The following RSRC1 variants were observed in gnomAD, a reference collection of about 807,000 sequenced individuals.
RSRC1 encodes arginine and serine rich coiled-coil 1, also known as serine/Arginine-related protein 53.
In RSRC1, 39 loss-of-function variants were observed where a neutral mutation model predicts 49.1. The ratio of observed to expected loss-of-function variants is 0.79; its 90% CI spans 0.61 to 1.04. The LOEUF (loss-of-function observed/expected upper bound fraction) is 1.04, where lower values mean the gene tolerates loss of function less well. Ranked by LOEUF, RSRC1 falls within the 50% of genes least tolerant of loss-of-function variation. The pLI, the probability that RSRC1 is intolerant of heterozygous loss-of-function variation, is 0.00. For synonymous variants in RSRC1, 143 were observed against 130.8 expected, an observed-to-expected ratio of 1.09 and a Z score of -0.63; for missense variants, 388 against 402.4, an observed-to-expected ratio of 0.96 and a Z score of 0.31.
chr3:158,199,896 T>C (rs1456814707), intron 3 of RSRC1, among the ~76,000 whole-genome samples: 1 of 152,222 alleles, frequency 6.6e-6, no homozygotes, highest in Non-Finnish European at 1.5e-5. Context: ...TTTCTGCCTA[T>C]GAATTGACCC....
chr3:158,308,757 A>G (rs1452602369), intron 5 of RSRC1, among the ~76,000 whole-genome samples: 1 of 152,002 alleles, frequency 6.6e-6, no homozygotes, highest in African/African-American at 2.4e-5. Flanking sequence ...GAAAGTGCAG[A>G]TAGACCTAAG....
At position 158,328,713 on chromosome 3, in the gene RSRC1, G is replaced by C. The variant is rs538660116; in HGVS notation, c.532-26144G>C. Among the ~76,000 whole-genome samples, 7 of 152,118 alleles carry C rather than the reference G, an allele frequency of 4.6e-5. No individual in the cohort carries two copies. The South Asian group carries it at 1.5e-3, about 32-fold the overall frequency. ...GGTGAATCTGACAATTATGCACCTT[G>C]GAGGAGTATGCTCTTCTCGAGGAGT... On this transcript the variant is annotated intron_variant, in intron 5 of 9. Transcript: ENST00000611884.
intron 6 of RSRC1, among the ~76,000 whole-genome samples, chr3:158,372,167 A>C (rs1336452631): frequency 6.6e-6 from 1 of 151,840 alleles, no homozygotes; most frequent in Non-Finnish European, 1.5e-5. Context: ...GCTCTTAATC[A>C]TGATGAAGTC....
intron 6 of RSRC1, among the ~76,000 whole-genome samples, chr3:158,450,155 A>G (rs1426567183): frequency 6.6e-6 from 1 of 152,004 alleles, no homozygotes; most frequent in Non-Finnish European, 1.5e-5. Context: ...GAACAATGAT[A>G]AGGAGCACAG....
At chr3:158,153,864 A>G (rs978644699) in intron 3 of RSRC1, among the ~76,000 whole-genome samples, 9 of 152,278 alleles carry the variant, frequency 5.9e-5, no homozygotes, top group African/African-American at 2.2e-4. Flanking sequence ...CTCATGTGGT[A>G]TGTGATCTTA....
intron 7 of RSRC1, among the ~76,000 whole-genome samples, chr3:158,500,965 GCT>G (rs1353239870): frequency 6.6e-6 from 1 of 151,854 alleles, no homozygotes; most frequent in African/African-American, 2.4e-5. Context: ...GTCAGTTTGT[GCT>G]CTGTCAGTCT....
chr3:158,173,516 T>C (rs775952440), intron 3 of RSRC1, among the ~76,000 whole-genome samples: 2 of 152,022 alleles, frequency 1.3e-5, no homozygotes, highest in Non-Finnish European at 2.9e-5. Flanking sequence ...TACATATTTA[T>C]GTATGTATAT....
chr3:158,257,814 A>G (rs963236894), intron 4 of RSRC1, among the ~76,000 whole-genome samples: 5 of 150,764 alleles, frequency 3.3e-5, no homozygotes, highest in African/African-American at 1.2e-4. Flanking sequence ...ATGTTTTTTG[A>G]TTTGAGGTTA....
intron 3 of RSRC1, among the ~76,000 whole-genome samples, chr3:158,195,482 T>C (rs1438670387): frequency 6.6e-6 from 1 of 152,166 alleles, no homozygotes; most frequent in African/African-American, 2.4e-5. Context: ...TCTTTTGCTG[T>C]GCAGAAGCTC....
rs142015393 is a variant in RSRC1, at chr3:158,252,859, A to T, written c.495-45180A>T. ...TATTTCTGTTTCTTCTAGGTTTTCC[A>T]ATTTCTTGGCATATAGTTTCTCATA... On this transcript the variant is annotated intron_variant, in intron 4 of 9. Coordinates refer to ENST00000611884, the MANE Select transcript of RSRC1 (RefSeq NM_001271838.2). Among the ~76,000 whole-genome samples, 60 of 152,160 alleles carry T rather than the reference A, an allele frequency of 3.9e-4. 1 individual carries two copies. The highest frequency in any genetic ancestry group is 1.3e-3 in the African/African-American group (52 of 41,524).
At chr3:158,136,898 A>G (rs1716413816) in intron 3 of RSRC1, 1 of 152,186 alleles carries the variant, frequency 6.6e-6, no homozygotes, top group Non-Finnish European at 1.5e-5. Flanking sequence ...GGTCACACAT[A>G]TAAGTACAAG....
intron 6 of RSRC1, among the ~76,000 whole-genome samples, chr3:158,424,221 T>TTA: frequency 6.6e-6 from 1 of 152,216 alleles, no homozygotes; most frequent in Middle Eastern, 3.4e-3. Context: ...GGGTTTGTCA[T>TTA]AGGTAGCTCT....
intron 7 of RSRC1, among the ~76,000 whole-genome samples, chr3:158,512,502 G>T (rs1740246375): frequency 6.6e-6 from 1 of 152,170 alleles, no homozygotes; most frequent in Admixed American, 6.5e-5. Flanking sequence ...GTACCATGCT[G>T]TTTTGTTTAC....
chr3:158,440,869 G>C (rs901828820), intron 6 of RSRC1, among the ~76,000 whole-genome samples: 1 of 151,958 alleles, frequency 6.6e-6, no homozygotes, highest in Admixed American at 6.6e-5. Context: ...TTGAACCCAG[G>C]AGGCAGAGCT....
intron 6 of RSRC1, among the ~76,000 whole-genome samples, chr3:158,363,166 T>C (rs1044321775): frequency 3.3e-5 from 5 of 152,148 alleles, no homozygotes; most frequent in African/African-American, 1.2e-4. Flanking sequence ...AGTTTACAAG[T>C]ATTCTGAAAG....
At chr3:158,271,274 A>G (rs1037829464) in intron 4 of RSRC1, among the ~76,000 whole-genome samples, 2 of 152,144 alleles carry the variant, frequency 1.3e-5, no homozygotes, top group Admixed American at 6.5e-5. Context: ...TGATTTACAT[A>G]GGCAATATAT....
intron 4 of RSRC1, among the ~76,000 whole-genome samples, chr3:158,285,796 A>G (rs941551106): frequency 7.2e-5 from 11 of 152,158 alleles, no homozygotes; most frequent in African/African-American, 2.7e-4. Flanking sequence ...TTTTGGGCTG[A>G]GACAGTGGGG....
rs566040160 is a variant in RSRC1 at position 158,287,520 on chromosome 3, C to T, written c.495-10519C>T. On this transcript the variant is annotated intron_variant, in intron 4 of 9. Transcript: ENST00000611884. ...CTAATGATTATTCTTTTCTTATACC[C>T]CAGTTTTATTTATAAGGATAAATCA... 2.0e-5 allele frequency among the ~76,000 whole-genome samples: 3 copies of T among 152,048 alleles called. No homozygotes were observed. The South Asian group carries it at 6.2e-4, about 32-fold the overall frequency.
intron 7 of RSRC1, among the ~76,000 whole-genome samples, chr3:158,508,563 G>A (rs1438548755): frequency 6.7e-6 from 1 of 150,328 alleles, no homozygotes; most frequent in Non-Finnish European, 1.5e-5. Context: ...TTCTCTTTCT[G>A]TGGTTTCAGT....
Sources: allele counts gnomAD v4.1 joint callset (sites outside exome capture counted in the v4.1 genomes callset), GRCh38; gene constraint gnomAD v4.1.1; transcripts MANE v1.5; gene names NCBI Gene and HGNC (gene_info 2026-07-23, HGNC 2026-07-21).